Variants in CORO7 observed in about 807,000 individuals in gnomAD.
CORO7 encodes the protein coronin-7.
A neutral mutation model predicts 126.6 loss-of-function variants in CORO7; 107 were observed. The ratio of observed to expected loss-of-function variants is 0.85; its 90% CI spans 0.72 to 0.99. The LOEUF (loss-of-function observed/expected upper bound fraction) is 0.99, where lower values mean the gene tolerates loss of function less well. Ranked by LOEUF, CORO7 falls within the 50% of genes least tolerant of loss-of-function variation. CORO7 has a pLI of 0.00. For synonymous variants in CORO7, 603 were observed against 536.8 expected (o/e 1.12, Z -1.70); for missense variants, 1,314 against 1,255.8 (o/e 1.05, Z -0.70).
chr16:4,393,149 C>T (rs1567287326), intron 7 of CORO7, among the ~76,000 whole-genome samples: 1 of 152,172 alleles, frequency 6.6e-6, no homozygotes, highest in Admixed American at 6.5e-5. Context: ...AGAGCCATGC[C>T]CGGTAGGTCG....
At chr16:4,415,473 T>C (rs2141343995) in intron 1 of CORO7, among the ~76,000 whole-genome samples, 1 of 152,242 alleles carries the variant, frequency 6.6e-6, no homozygotes, top group East Asian at 1.9e-4. Flanking sequence ...AATGCTCTTG[T>C]TTGTCTGCTT....
rs1181483822 is a variant in CORO7 at position 4,401,521 on chromosome 16, T to A, written c.564+3970A>T. Among the ~76,000 whole-genome samples, 4 of 152,044 alleles carry A rather than the reference T, an allele frequency of 2.6e-5. No homozygotes were observed. The East Asian group carries it at 7.7e-4, about 29-fold the overall frequency. ...GGACTGGCTCTTAAAACTCCACTAC[T>A]CCACACCTCGGATTCAGAGGGATGG... On this transcript the variant is annotated intron_variant, in intron 6 of 27. Transcript: ENST00000251166.
Position 4,408,139 on chromosome 16 carries a change from G to T in CORO7, c.303+42C>A. 1.9e-6 allele frequency: 3 copies of T among 1,613,750 alleles called. No individual in the cohort carries two copies. In the Admixed American group the frequency reaches 5.0e-5, roughly 27 times the overall value. The stretch of plus-strand genomic sequence containing the variant: ...TGGGGCTCAGAAGGCCCTGGACTAC[G>T]GGCTGGGACATAGAGCAGCTCTTCC... On this transcript the variant is annotated intron_variant, in intron 4 of 27. Coordinates refer to ENST00000251166, the MANE Select transcript of CORO7 (RefSeq NM_024535.5).
intron 1 of CORO7, chr16:4,415,775 G>A (rs2056385945): frequency 1.0e-6 from 1 of 985,510 alleles, no homozygotes; most frequent in Non-Finnish European, 1.2e-6. Context: ...CCCCTCATCA[G>A]TCCTCCTGCC....
At chr16:4,412,669 T>A (rs2056257517) in intron 2 of CORO7, 1 of 536,886 alleles carries the variant, frequency 1.9e-6, no homozygotes, top group African/African-American at 1.9e-5. Context: ...TCCTCTCTTT[T>A]TAACACGGGT....
At chr16:4,395,370 C>T (rs200435882) in intron 6 of CORO7, 31 bp from the exon 7 acceptor site, 9 of 1,613,722 alleles carry the variant, frequency 5.6e-6, no homozygotes, top group Middle Eastern at 1.7e-4. Flanking sequence ...AAACAACTTG[C>T]GATTAGGGCT....
chr16:4,385,417 G>T (rs1181027970), intron 9 of CORO7, among the ~76,000 whole-genome samples: 1 of 152,136 alleles, frequency 6.6e-6, no homozygotes, highest in Admixed American at 6.5e-5. Context: ...GGGGTAGGGG[G>T]TGATACAGTT....
intron 19 of CORO7, 111 bp downstream of exon 19, chr16:4,360,832 T>G: frequency 6.8e-7 from 1 of 1,465,850 alleles, no homozygotes; most frequent in South Asian, 1.3e-5. Flanking sequence ...TCGCTGCTGG[T>G]CCTGCCTCTC....
At chr16:4,359,114 CA>C in intron 23 of CORO7, 181 bp downstream of exon 23, 2 of 702,466 alleles carry the variant, frequency 2.8e-6, no homozygotes, top group Non-Finnish European at 4.6e-6. Context: ...CAATGGCTCT[CA>C]AAATTCCTAA....
chr16:4,381,730 GGCCTCTTCCCCC>G (rs1195387381), intron 9 of CORO7: 1 of 1,605,900 alleles, frequency 6.2e-7, no homozygotes. Flanking sequence ...CGACCTCTCG[GGCCTCTTCCCCC>G]GCCTGCGGCT....
chr16:4,376,636 G>A (rs1273852318), intron 9 of CORO7, among the ~76,000 whole-genome samples: 1 of 152,144 alleles, frequency 6.6e-6, no homozygotes, highest in Non-Finnish European at 1.5e-5. Flanking sequence ...GCCCGTCCCC[G>A]CCTGACCCTG....
In CORO7 at chr16:4,365,541, G is replaced by T; in HGVS notation, c.790C>A (p.Leu264Ile). Reference protein sequence around the residue: ...SLTLDTSLGCLVPLLDPDSGL... With the variant: ...SLTLDTSLGCIVPLLDPDSGL... Reference sequence around the variant, plus strand: ...GAGTCAGGGTCCAGCAGAGGCACGAGACACCTGGGGAAGAGAGGGCAAGAT... The same window carrying T: ...GAGTCAGGGTCCAGCAGAGGCACGATACACCTGGGGAAGAGAGGGCAAGAT... Residue 264 changes from leucine to isoleucine, a missense_variant, in exon 10 of 28, where the codon CTC (leucine) becomes ATC (isoleucine). By Grantham distance (5) the Leu-to-Ile change is conservative. Coordinates refer to ENST00000251166, the MANE Select transcript of CORO7 (RefSeq NM_024535.5). 1 of 1,580,272 alleles carries T rather than the reference G, an allele frequency of 6.3e-7. No individual in the cohort carries two copies. The highest frequency in any genetic ancestry group is 1.3e-5 in the African/African-American group (1 of 74,178).
chr16:4,355,488 G>C (rs974710772), intron 26 of CORO7, 116 bp from the exon 27 acceptor site: 2 of 1,128,830 alleles, frequency 1.8e-6, no homozygotes, highest in Admixed American at 4.8e-5. Flanking sequence ...TTTTTTAGAC[G>C]GAGTCTTGCT....
intron 9 of CORO7, among the ~76,000 whole-genome samples, chr16:4,371,562 G>A (rs1286482687): frequency 6.6e-6 from 1 of 152,230 alleles, no homozygotes; most frequent in African/African-American, 2.4e-5. Context: ...TGCCTCATAG[G>A]CATCTGGGCT....
intron 9 of CORO7, among the ~76,000 whole-genome samples, chr16:4,367,368 G>A (rs887845357): frequency 1.3e-5 from 2 of 152,200 alleles, no homozygotes; most frequent in African/African-American, 4.8e-5. Flanking sequence ...GCTTTGACAG[G>A]GCTTTCACTC....
At chr16:4,361,730 T>G (rs958806579) in intron 16 of CORO7, 2 of 798,600 alleles carry the variant, frequency 2.5e-6, no homozygotes, top group South Asian at 2.9e-5. Context: ...GGGCTTCGGA[T>G]CCCAGCTCCA....
chr16:4,406,583 C>T (rs1008835681), intron 5 of CORO7, among the ~76,000 whole-genome samples: 3 of 150,134 alleles, frequency 2.0e-5, no homozygotes, highest in East Asian at 2.0e-4. Context: ...TACAGGTGTG[C>T]GCCACGACGC....
intron 9 of CORO7, chr16:4,382,056 C>T (rs1350153357): frequency 1.9e-6 from 3 of 1,590,882 alleles, no homozygotes; most frequent in Non-Finnish European, 2.6e-6. Flanking sequence ...CCAGCCCGCC[C>T]TCCACTGCCC....
At chr16:4,387,470 G>T (rs2055232571) in intron 9 of CORO7, among the ~76,000 whole-genome samples, 1 of 152,122 alleles carries the variant, frequency 6.6e-6, no homozygotes, top group Non-Finnish European at 1.5e-5. Flanking sequence ...GGACAGCCAT[G>T]TGGCTGGTGT....
Sources: gnomAD v4.1 joint callset for allele counts (sites outside exome capture counted in the v4.1 genomes callset) on GRCh38, gnomAD v4.1.1 for gene constraint, MANE v1.5 for transcripts, NCBI Gene and HGNC (gene_info 2026-07-23, HGNC 2026-07-21) for gene names.